CSMD1: variants seen among roughly 807,000 people sequenced by gnomAD.
CSMD1 encodes the protein CUB and sushi domain-containing protein 1.
CSMD1 carries 213 observed loss-of-function variants against 417.5 expected under a neutral mutation model. The observed-to-expected ratio is 0.51, with a 90% CI of 0.46 to 0.57. The LOEUF (loss-of-function observed/expected upper bound fraction) is 0.57. Among genes scored for constraint, CSMD1 ranks in the 20% least tolerant of loss-of-function variants. The probability of loss-of-function intolerance (pLI) is 0.00; values close to 1 mark genes in which losing one functional copy is unlikely to be tolerated. For missense variants in CSMD1, 6,923 were observed against 4,529.7 expected (o/e 1.53, Z -15.17); for synonymous variants, 2,862 against 1,736.8 (o/e 1.65, Z -16.11).
chr8:3,989,266 A>C (rs1157071864), intron 5 of CSMD1, among the ~76,000 whole-genome samples: 2 of 152,214 alleles, frequency 1.3e-5, no homozygotes, highest in South Asian at 2.1e-4. Context: ...GCTCTACGTC[A>C]TCAAGCTCAG....
At chr8:3,982,550 A>C (rs1316866298) in intron 5 of CSMD1, among the ~76,000 whole-genome samples, 1 of 152,090 alleles carries the variant, frequency 6.6e-6, no homozygotes, top group African/African-American at 2.4e-5. Flanking sequence ...CACTAGGATT[A>C]TGTGCACTAG....
chr8:4,632,152 C>G (rs924141764), intron 2 of CSMD1, among the ~76,000 whole-genome samples: 1 of 152,182 alleles, frequency 6.6e-6, no homozygotes, highest in African/African-American at 2.4e-5. Context: ...CATTAAGTCA[C>G]GTTGGGTTCC....
intron 3 of CSMD1, among the ~76,000 whole-genome samples, chr8:4,064,824 A>G (rs1008241334): frequency 1.3e-5 from 2 of 152,066 alleles, no homozygotes; most frequent in African/African-American, 4.8e-5. Context: ...ATTTATATCT[A>G]TATCATGTCA....
intron 3 of CSMD1, among the ~76,000 whole-genome samples, chr8:4,327,705 G>A (rs1504754): frequency 0.38 from 58,206 of 152,054 alleles, 12,781 homozygotes; most frequent in East Asian, 0.66. Context: ...ATAGGTATTA[G>A]AAGTTTAAAA....
intron 26 of CSMD1, among the ~76,000 whole-genome samples, chr8:3,274,922 A>G (rs954607630): frequency 6.6e-5 from 10 of 152,104 alleles, no homozygotes; most frequent in Non-Finnish European, 1.5e-4. Flanking sequence ...CATTTAGTCC[A>G]TTTACATTTA....
chr8:4,881,551 T>TA (rs1491475117), intron 1 of CSMD1, among the ~76,000 whole-genome samples: 2 of 120,476 alleles, frequency 1.7e-5, no homozygotes, highest in African/African-American at 6.2e-5. Context: ...TTTTTTTTTT[T>TA]ATCTCATTTA....
At chr8:4,265,964 T>C (rs1309181569) in intron 3 of CSMD1, among the ~76,000 whole-genome samples, 1 of 103,280 alleles carries the variant, frequency 9.7e-6, no homozygotes, top group African/African-American at 2.6e-5. Flanking sequence ...TGGCCCCCAC[T>C]GTATTCCATG....
Position 3,308,369 on chromosome 8 carries a change from G to C in CSMD1, c.3766C>G (p.Leu1256Val), listed in dbSNP as rs779267560. ...PGYAMHGSNT[L>V]TCLSGDRRVW... Reference sequence around the variant, plus strand: ...CTCCTGTCTCCACTCAAACAGGTCAGGGTGTTGCTGCCATGCATGGCGTAC... The same window carrying C: ...CTCCTGTCTCCACTCAAACAGGTCACGGTGTTGCTGCCATGCATGGCGTAC... Residue 1256 changes from leucine to valine, a missense_variant, in exon 24 of 70, where the codon CTG (leucine) becomes GTG (valine). Transcript: ENST00000635120. 1.2e-6 allele frequency: 2 copies of C among 1,613,660 alleles called. No individual in the cohort carries two copies. Among genetic ancestry groups the C allele is most frequent in the South Asian group, 1.1e-5 (1 of 91,066 alleles).
chr8:3,133,003 C>G (rs548381935), intron 41 of CSMD1, among the ~76,000 whole-genome samples: 3 of 152,358 alleles, frequency 2.0e-5, no homozygotes, highest in South Asian at 4.1e-4. Flanking sequence ...ACCTCTCCCA[C>G]TTGGCCTCAT....
At chr8:4,585,406 G>A (rs1247195183) in intron 2 of CSMD1, among the ~76,000 whole-genome samples, 2 of 152,068 alleles carry the variant, frequency 1.3e-5, no homozygotes, top group African/African-American at 4.8e-5. Context: ...GAAACTAATA[G>A]TAAATGAAGA....
chr8:4,721,933 C>G (rs933223473), intron 1 of CSMD1, among the ~76,000 whole-genome samples: 5 of 152,106 alleles, frequency 3.3e-5, no homozygotes, highest in African/African-American at 4.8e-5. Context: ...GAAAGAAAAA[C>G]TAGAATTTAT....
rs145195335 is a variant in CSMD1, at chr8:4,412,620, T to C, written c.415+7333A>G. 3.9e-3 allele frequency among the ~76,000 whole-genome samples: 591 copies of C among 152,316 alleles called. 3 individuals carry two copies. The highest frequency in any genetic ancestry group is 0.013 in the African/African-American group (557 of 41,550). ...GGAATTTCTCTTAATGAAGTTGCAATGGTCTATTCCAACGGAATCAGAAAC... is the reference window on the plus strand; with the variant it reads ...GGAATTTCTCTTAATGAAGTTGCAACGGTCTATTCCAACGGAATCAGAAAC... On this transcript the variant is annotated intron_variant, in intron 3 of 69. Coordinates refer to ENST00000635120, the MANE Select transcript of CSMD1 (RefSeq NM_033225.6).
In CSMD1 at chr8:4,714,522, T is replaced by C. The variant is rs191510959; in HGVS notation, c.86-76964A>G. On this transcript the variant is annotated intron_variant, in intron 1 of 69. Transcript: ENST00000635120. The stretch of plus-strand genomic sequence containing the variant: ...GAAATACTTTAATAATTTTGCCCAA[T>C]TGAACATAACAGATAGAGAAGGCCC... 2.2e-3 allele frequency among the ~76,000 whole-genome samples: 332 copies of C among 152,292 alleles called. 3 individuals are homozygous for C. The highest frequency in any genetic ancestry group is 0.017 in the Admixed American group (258 of 15,284).
chr8:3,012,304 T>C (rs1808450821), intron 52 of CSMD1, among the ~76,000 whole-genome samples: 1 of 152,204 alleles, frequency 6.6e-6, no homozygotes, highest in Non-Finnish European at 1.5e-5. Flanking sequence ...AAATCATCTT[T>C]TCTTTCCTTA....
intron 2 of CSMD1, among the ~76,000 whole-genome samples, chr8:4,441,959 G>A (rs1008549896): frequency 2.0e-5 from 3 of 152,098 alleles, no homozygotes; most frequent in African/African-American, 7.2e-5. Flanking sequence ...GAAACTCAGG[G>A]GCCAAATGTT....
At chr8:3,980,408 T>C (rs1189188916) in intron 5 of CSMD1, among the ~76,000 whole-genome samples, 1 of 152,148 alleles carries the variant, frequency 6.6e-6, no homozygotes, top group East Asian at 1.9e-4. Context: ...CATAAAATAT[T>C]CTTCCCACTT....
chr8:4,140,757 C>T (rs1443259535), intron 3 of CSMD1, among the ~76,000 whole-genome samples: 1 of 150,944 alleles, frequency 6.6e-6, no homozygotes, highest in African/African-American at 2.5e-5. Flanking sequence ...TCTTCATCTC[C>T]TCCCCTCCAG....
At chr8:3,943,105 C>T (rs916942614) in intron 5 of CSMD1, among the ~76,000 whole-genome samples, 3 of 151,880 alleles carry the variant, frequency 2.0e-5, no homozygotes, top group Non-Finnish European at 2.9e-5. Context: ...GATTCAACTT[C>T]GGAATTTATG....
At chr8:4,135,972 G>C (rs189772543) in intron 3 of CSMD1, among the ~76,000 whole-genome samples, 2 of 152,186 alleles carry the variant, frequency 1.3e-5, no homozygotes, top group East Asian at 3.9e-4. Flanking sequence ...AAATACTGTG[G>C]AAGTCCTAGT....
Sources: gnomAD v4.1 joint callset for allele counts (sites outside exome capture counted in the v4.1 genomes callset) on GRCh38, gnomAD v4.1.1 for gene constraint, MANE v1.5 for transcripts, NCBI Gene and HGNC (gene_info 2026-07-23, HGNC 2026-07-21) for gene names.